SNTG1: variants seen among roughly 807,000 people sequenced by gnomAD.
SNTG1 encodes the protein syntrophin gamma 1.
In SNTG1, 39 loss-of-function variants were observed where a neutral mutation model predicts 74.7. The observed-to-expected ratio is 0.52, with a 90% CI of 0.40 to 0.68. SNTG1 has a LOEUF of 0.68. Ranked by LOEUF, SNTG1 falls within the 30% of genes least tolerant of loss-of-function variation. The probability of loss-of-function intolerance (pLI) is 0.00; values close to 1 mark genes in which losing one functional copy is unlikely to be tolerated. For synonymous variants in SNTG1, 254 were observed against 217.1 expected (o/e 1.17, Z -1.49); for missense variants, 685 against 609.5 (o/e 1.12, Z -1.30).
intron 18 of SNTG1, among the ~76,000 whole-genome samples, chr8:50,767,721 A>G (rs1469046898): frequency 2.0e-5 from 3 of 151,980 alleles, no homozygotes; most frequent in Non-Finnish European, 1.5e-5. Flanking sequence ...ATATATTCTC[A>G]TAGTCATTTA....
At chr8:50,265,255 A>G (rs2087404228) in intron 2 of SNTG1, among the ~76,000 whole-genome samples, 1 of 152,222 alleles carries the variant, frequency 6.6e-6, no homozygotes, top group Admixed American at 6.5e-5. Flanking sequence ...AATCAATCCC[A>G]GCAACACATA....
At chr8:50,046,387 G>A (rs1304761950) in intron 1 of SNTG1, among the ~76,000 whole-genome samples, 1 of 151,818 alleles carries the variant, frequency 6.6e-6, no homozygotes, top group East Asian at 1.9e-4. Context: ...ATATCTACTT[G>A]GTATTCTTTC....
chr8:50,321,937 T>A (rs368062880), intron 2 of SNTG1, among the ~76,000 whole-genome samples: 2 of 152,168 alleles, frequency 1.3e-5, no homozygotes, highest in East Asian at 3.8e-4. Context: ...GATCAGTTCA[T>A]CTTTTAGTCT....
At chr8:50,545,810 A>C (rs768345815) in intron 11 of SNTG1, among the ~76,000 whole-genome samples, 2 of 152,106 alleles carry the variant, frequency 1.3e-5, no homozygotes, top group Non-Finnish European at 2.9e-5. Context: ...CAGGTTTGGC[A>C]CTGGTGGATG....
chr8:49,921,178 G>T (rs1806506980), intron 1 of SNTG1, among the ~76,000 whole-genome samples: 1 of 151,818 alleles, frequency 6.6e-6, no homozygotes, highest in Non-Finnish European at 1.5e-5. Flanking sequence ...AAAAACAATT[G>T]TTTACAGACA....
chr8:50,117,022 T>A (rs749619919), intron 1 of SNTG1, among the ~76,000 whole-genome samples: 3 of 152,114 alleles, frequency 2.0e-5, no homozygotes, highest in Non-Finnish European at 4.4e-5. Flanking sequence ...CAGTGGAGAA[T>A]GAGGCATGAA....
At chr8:50,113,951 A>T (rs954715187) in intron 1 of SNTG1, among the ~76,000 whole-genome samples, 10 of 145,058 alleles carry the variant, frequency 6.9e-5, no homozygotes, top group Admixed American at 6.2e-4. Context: ...TAAATAAATA[A>T]ATATGCATGG....
At position 50,238,615 on chromosome 8, in the gene SNTG1, C is replaced by T. The variant is rs191440777; in HGVS notation, c.-28+65980C>T. Among the ~76,000 whole-genome samples, 87 of 152,162 alleles carry T rather than the reference C, an allele frequency of 5.7e-4. 3 individuals carry two copies. The South Asian group carries it at 9.5e-3, about 17-fold the overall frequency. On this transcript the variant is annotated intron_variant, in intron 2 of 18. Transcript: ENST00000642720. ...ATCATGACAAAGACTCAAAAAGCAA[C>T]CGCAACATAAACAAACATTGACAAG...
intron 1 of SNTG1, among the ~76,000 whole-genome samples, chr8:49,989,395 C>T (rs1265947495): frequency 6.6e-6 from 1 of 151,788 alleles, no homozygotes; most frequent in Non-Finnish European, 1.5e-5. Flanking sequence ...TAGAAATTGA[C>T]TCAAAAAACA....
chr8:50,513,974 G>A (rs117176344), intron 9 of SNTG1, among the ~76,000 whole-genome samples: 4,334 of 152,268 alleles, frequency 0.028, 82 homozygotes, highest in Middle Eastern at 0.11. Context: ...ATCTCAGTTG[G>A]AAATGCAGGA....
intron 1 of SNTG1, among the ~76,000 whole-genome samples, chr8:50,085,343 C>T (rs188570086): frequency 1.6e-4 from 25 of 152,306 alleles, no homozygotes; most frequent in African/African-American, 6.0e-4. Context: ...TGACTTCCTT[C>T]TTTCTTCTCT....
chr8:49,964,788 C>T (rs1275127175), intron 1 of SNTG1, among the ~76,000 whole-genome samples: 3 of 152,108 alleles, frequency 2.0e-5, no homozygotes, highest in Non-Finnish European at 4.4e-5. Flanking sequence ...AGTAGGTATT[C>T]ATTAGTGATC....
At chr8:49,988,093 C>T (rs546664438) in intron 1 of SNTG1, among the ~76,000 whole-genome samples, 5 of 152,072 alleles carry the variant, frequency 3.3e-5, no homozygotes, top group African/African-American at 9.6e-5. Context: ...AGGAGTGACA[C>T]CAGAGACTGT....
intron 17 of SNTG1, among the ~76,000 whole-genome samples, chr8:50,738,309 A>G (rs2095534095): frequency 2.0e-5 from 3 of 152,166 alleles, no homozygotes; most frequent in South Asian, 4.1e-4. Flanking sequence ...TTTATTCACA[A>G]TTGCTACAAA....
In SNTG1 at chr8:50,200,314, T is replaced by C. The variant is rs2083936494; in HGVS notation, c.-28+27679T>C. Among the ~76,000 whole-genome samples the C allele has an allele frequency of 2.0e-5, 3 of 152,318 alleles. No homozygotes were observed. In the South Asian group the frequency reaches 6.2e-4, roughly 32 times the overall value. ...GACTTTATCTCAGGCAGTTTAGCTC[T>C]GAAGTCTCCTCACTTAAGCTCCTGA... On this transcript the variant is annotated intron_variant, in intron 2 of 18. Transcript: ENST00000642720.
rs80199584 is a variant in SNTG1, at chr8:50,430,687, T to A, written c.163-7856T>A. ...CTTGGTTGGCTGCAAGGCAAGTAGATCTCTGCACTGTTACTCCTCAGATCC... is the reference window on the plus strand; with the variant it reads ...CTTGGTTGGCTGCAAGGCAAGTAGAACTCTGCACTGTTACTCCTCAGATCC... On this transcript the variant is annotated intron_variant, in intron 4 of 18. Transcript: ENST00000642720. Among the ~76,000 whole-genome samples, 247 of 152,238 alleles carry A rather than the reference T, an allele frequency of 1.6e-3. 5 individuals carry two copies. The East Asian group carries it at 0.038, about 23-fold the overall frequency.
rs1444983676 is a variant in SNTG1 at position 50,743,728 on chromosome 8, A to G, written c.1285-8273A>G. On this transcript the variant is annotated intron_variant, in intron 17 of 18. Coordinates refer to ENST00000642720, the MANE Select transcript of SNTG1 (RefSeq NM_018967.5). The stretch of plus-strand genomic sequence containing the variant: ...GATGACATAATCTTGTATGTAGACA[A>G]CTACACACACAAACACACACACATC... Among the ~76,000 whole-genome samples the G allele has an allele frequency of 5.3e-5, 8 of 152,026 alleles. No individual in the cohort carries two copies. The East Asian group carries it at 1.4e-3, about 26-fold the overall frequency.
At chr8:49,928,033 G>A (rs1019713514) in intron 1 of SNTG1, among the ~76,000 whole-genome samples, 11 of 151,628 alleles carry the variant, frequency 7.3e-5, no homozygotes, top group Admixed American at 3.9e-4. Context: ...GGGGGCTGAG[G>A]CAGGAGAATC....
At chr8:49,984,117 G>A (rs73569372) in intron 1 of SNTG1, among the ~76,000 whole-genome samples, 3,319 of 152,268 alleles carry the variant, frequency 0.022, 113 homozygotes, top group African/African-American at 0.074. Context: ...TATAGTTCAT[G>A]TTGTGAGAAT....
Sources: gnomAD v4.1 joint callset for allele counts (sites outside exome capture counted in the v4.1 genomes callset) on GRCh38, gnomAD v4.1.1 for gene constraint, MANE v1.5 for transcripts, NCBI Gene and HGNC (gene_info 2026-07-23, HGNC 2026-07-21) for gene names.